DPYD: variants seen among roughly 807,000 people sequenced by gnomAD.
DPYD encodes the protein dihydropyrimidine dehydrogenase, also known as dihydropyrimidine dehydrogenase [NADP(+)].
In DPYD, 109 loss-of-function variants were observed where a neutral mutation model predicts 116.2. The ratio of observed to expected loss-of-function variants is 0.94; its 90% CI spans 0.80 to 1.10. The LOEUF (loss-of-function observed/expected upper bound fraction) is 1.10, where lower values mean the gene tolerates loss of function less well. DPYD is among the 50% of genes least tolerant of loss of function. DPYD has a pLI of 0.00. For synonymous variants in DPYD, 440 were observed against 432.0 expected, an observed-to-expected ratio of 1.02 and a Z score of -0.23; for missense variants, 1,302 against 1,254.5, an observed-to-expected ratio of 1.04 and a Z score of -0.57.
At chr1:97,487,639 C>G (rs1246414895) in intron 13 of DPYD, among the ~76,000 whole-genome samples, 1 of 152,162 alleles carries the variant, frequency 6.6e-6, no homozygotes, top group Non-Finnish European at 1.5e-5. Flanking sequence ...CACCACTGCA[C>G]TCCAGCCTGG....
intron 14 of DPYD, among the ~76,000 whole-genome samples, chr1:97,408,168 T>C (rs1394960743): frequency 3.3e-5 from 5 of 152,068 alleles, no homozygotes; most frequent in Admixed American, 6.6e-5. Flanking sequence ...GAATGAAGAT[T>C]TGGGTCACTC....
At chr1:97,294,223 A>T (rs1666383907) in intron 18 of DPYD, among the ~76,000 whole-genome samples, 1 of 152,108 alleles carries the variant, frequency 6.6e-6, no homozygotes, top group Non-Finnish European at 1.5e-5. Context: ...AAATTAATAC[A>T]CACTAATTAA....
In DPYD at chr1:97,229,740, T is replaced by C. The variant is rs140241547; in HGVS notation, c.2442+5112A>G. 8.2e-3 allele frequency among the ~76,000 whole-genome samples: 1,247 copies of C among 152,048 alleles called. 6 individuals are homozygous for C. The highest frequency in any genetic ancestry group is 0.011 in the Non-Finnish European group (720 of 67,974). ...CAGCTCTCTGGGCAATAAATTCTCCTAGGTATTTTTTAGCTGAAATTGTCT... is the reference window on the plus strand; with the variant it reads ...CAGCTCTCTGGGCAATAAATTCTCCCAGGTATTTTTTAGCTGAAATTGTCT... On this transcript the variant is annotated intron_variant, in intron 19 of 22. Coordinates refer to ENST00000370192, the MANE Select transcript of DPYD (RefSeq NM_000110.4).
intron 13 of DPYD, among the ~76,000 whole-genome samples, chr1:97,512,440 G>C (rs906698431): frequency 6.6e-6 from 1 of 151,816 alleles, no homozygotes; most frequent in Admixed American, 6.6e-5. Flanking sequence ...CTTGGGTTTA[G>C]ATTTGATTTA....
chr1:97,676,362 C>A (rs752623721), intron 8 of DPYD, among the ~76,000 whole-genome samples: 22 of 152,048 alleles, frequency 1.4e-4, no homozygotes, highest in Non-Finnish European at 2.8e-4. Flanking sequence ...GTGTAACTTC[C>A]GGCTCATAAA....
At chr1:97,637,949 C>T (rs139221890) in intron 8 of DPYD, among the ~76,000 whole-genome samples, 8 of 152,180 alleles carry the variant, frequency 5.3e-5, no homozygotes, top group Middle Eastern at 3.4e-3. Flanking sequence ...AAATGCAATA[C>T]GTTGTGCCCA....
intron 10 of DPYD, among the ~76,000 whole-genome samples, chr1:97,591,234 C>A (rs1481406246): frequency 1.3e-5 from 2 of 152,188 alleles, no homozygotes; most frequent in African/African-American, 2.4e-5. Context: ...TCTCTTCCAC[C>A]ATTATCCTCA....
chr1:97,305,490 G>T (rs1245221903), intron 17 of DPYD, 112 bp from the exon 18 acceptor site: 2 of 1,411,674 alleles, frequency 1.4e-6, no homozygotes, highest in South Asian at 2.3e-5. Flanking sequence ...TTGAGAACAT[G>T]TCTTCTCCTC....
intron 1 of DPYD, among the ~76,000 whole-genome samples, chr1:97,909,916 T>A (rs977259956): frequency 1.3e-5 from 2 of 152,110 alleles, no homozygotes; most frequent in Non-Finnish European, 2.9e-5. Context: ...CTGAATGCCA[T>A]TACATATTAA....
chr1:97,186,954 A>G (rs1381334587), intron 20 of DPYD, among the ~76,000 whole-genome samples: 1 of 152,222 alleles, frequency 6.6e-6, no homozygotes, highest in Non-Finnish European at 1.5e-5. Context: ...ATGGCTGAAT[A>G]GTATTCTACA....
chr1:97,335,565 C>T (rs1669245351), intron 16 of DPYD, among the ~76,000 whole-genome samples: 1 of 151,970 alleles, frequency 6.6e-6, no homozygotes, highest in Non-Finnish European at 1.5e-5. Flanking sequence ...TATATTTTTC[C>T]TTAAAACAAC....
At chr1:97,368,958 T>C (rs1366126765) in intron 16 of DPYD, among the ~76,000 whole-genome samples, 1 of 152,178 alleles carries the variant, frequency 6.6e-6, no homozygotes, top group Non-Finnish European at 1.5e-5. Flanking sequence ...GCAATAATTT[T>C]AAAAACACAA....
At chr1:97,383,475 C>CAAAAAAAAAAAAA (rs796302274) in intron 14 of DPYD, among the ~76,000 whole-genome samples, 1 of 80,222 alleles carries the variant, frequency 1.2e-5, no homozygotes, top group Non-Finnish European at 2.6e-5. Context: ...GACTCTGTCT[C>CAAAAAAAAAAAAA]AAAAAAAAAA....
At chr1:97,405,772 C>A (rs1023607879) in intron 14 of DPYD, among the ~76,000 whole-genome samples, 1 of 152,172 alleles carries the variant, frequency 6.6e-6, no homozygotes, top group African/African-American at 2.4e-5. Context: ...CCATCTTGGC[C>A]TCCCAAAGCT....
At chr1:97,856,803 C>T (rs893483872) in intron 2 of DPYD, 3 of 152,266 alleles carry the variant, frequency 2.0e-5, no homozygotes, top group African/African-American at 7.2e-5. Context: ...TCCCTCCTGA[C>T]ATAGGAGGTC....
intron 3 of DPYD, among the ~76,000 whole-genome samples, chr1:97,776,525 A>T (rs926702709): frequency 1.1e-4 from 16 of 152,196 alleles, no homozygotes; most frequent in Admixed American, 6.5e-4. Context: ...GATCCTCTTA[A>T]AAAGGTCTTA....
intron 16 of DPYD, among the ~76,000 whole-genome samples, chr1:97,310,935 G>T (rs1205310699): frequency 6.6e-6 from 1 of 151,606 alleles, no homozygotes; most frequent in African/African-American, 2.4e-5. Context: ...AGAAACTAAT[G>T]AATCATGCCA....
chr1:97,491,816 C>T (rs768673596), intron 13 of DPYD, among the ~76,000 whole-genome samples: 2 of 152,044 alleles, frequency 1.3e-5, no homozygotes, highest in Non-Finnish European at 2.9e-5. Context: ...TTTGATCTTA[C>T]GGTTTTGCAC....
intron 19 of DPYD, among the ~76,000 whole-genome samples, chr1:97,217,834 C>T (rs1400837859): frequency 1.3e-5 from 2 of 152,128 alleles, no homozygotes; most frequent in African/African-American, 4.8e-5. Flanking sequence ...AGCGGGGCAA[C>T]ACCAGGGTGG....
Sources: allele counts gnomAD v4.1 joint callset (sites outside exome capture counted in the v4.1 genomes callset), GRCh38; gene constraint gnomAD v4.1.1; transcripts MANE v1.5; gene names NCBI Gene and HGNC (gene_info 2026-07-23, HGNC 2026-07-21).